The following STS variants were observed in gnomAD, a reference collection of about 807,000 sequenced individuals.
STS encodes the protein steroid sulfatase, also known as steryl-sulfatase.
In STS, 7 loss-of-function variants were observed where a neutral mutation model predicts 26.8. The observed-to-expected ratio is 0.26, with a 90% confidence interval of 0.15 to 0.49. STS has a LOEUF of 0.49. Ranked by LOEUF, STS falls within the 20% of genes least tolerant of loss-of-function variation. The pLI, the probability that STS is intolerant of heterozygous loss-of-function variation, is 0.98. For synonymous variants in STS, 199 were observed against 189.4 expected, an observed-to-expected ratio of 1.05 and a Z score of -0.42; for missense variants, 434 against 465.6, an observed-to-expected ratio of 0.93 and a Z score of 0.63.
chrX:7,259,441 T>A lies in STS; in HGVS notation c.475T>A (p.Leu159Met). Residue 159 changes from leucine (L) to methionine (M), a missense_variant, in exon 6 of 11, where the codon TTG (leucine) becomes ATG (methionine). Physicochemically the swap from Leu to Met is conservative, Grantham distance 15. Coordinates refer to ENST00000674429, the MANE Select transcript of STS (RefSeq NM_001320752.2). ...CTTCAATTATTTCTATGGGATCTCT[T>A]TGACCAATCTGAGAGACTGCAAGCC... Reference protein sequence around the residue: ...HGFNYFYGISLTNLRDCKPGE... With the variant: ...HGFNYFYGISMTNLRDCKPGE... 1 of 1,211,444 alleles carries A rather than the reference T, an allele frequency of 8.3e-7. No individual in the cohort carries two copies. Among genetic ancestry groups the A allele is most frequent in the Non-Finnish European group, 1.1e-6 (1 of 895,295 alleles).
intron 8 of STS, among the ~76,000 whole-genome samples, chrX:7,319,968 T>TTTA (rs1345093166): frequency 8.0e-5 from 7 of 87,583 alleles, no homozygotes; most frequent in African/African-American, 3.3e-4. Flanking sequence ...TATATATATT[T>TTTA]TATATATATG....
chrX:7,156,163 A>AG (rs1483574562), intron 1 of STS, among the ~76,000 whole-genome samples: 1 of 110,245 alleles, frequency 9.1e-6, no homozygotes, highest in East Asian at 2.8e-4. Flanking sequence ...AAAAAAAAAA[A>AG]AATTCTGAGA....
intron 1 of STS, among the ~76,000 whole-genome samples, chrX:7,154,511 G>A (rs766712063): frequency 1.2e-4 from 13 of 111,949 alleles, no homozygotes; most frequent in Middle Eastern, 4.6e-3. Context: ...TCATTGACTC[G>A]GCAACTTTGC....
chrX:7,260,076 C>T (rs1272352626), intron 6 of STS, among the ~76,000 whole-genome samples: 5 of 111,650 alleles, frequency 4.5e-5, no homozygotes, highest in African/African-American at 9.8e-5. Flanking sequence ...GGGGTTTCAC[C>T]GTGTTAGCCA....
At chrX:7,179,212 T>C (rs1466054423) in intron 1 of STS, among the ~76,000 whole-genome samples, 1 of 111,568 alleles carries the variant, frequency 9.0e-6, no homozygotes, top group Non-Finnish European at 1.9e-5. Flanking sequence ...TAACTGGCTT[T>C]CTCTAGTCCT....
intron 7 of STS, 101 bp from the exon 8 acceptor site, chrX:7,304,945 A>G: frequency 4.0e-6 from 4 of 993,396 alleles, no homozygotes; most frequent in Non-Finnish European, 5.7e-6. Flanking sequence ...AAGAACGTTT[A>G]CTTCCACCTT....
intron 3 of STS, among the ~76,000 whole-genome samples, chrX:7,255,292 C>T (rs1186280300): frequency 8.9e-6 from 1 of 112,019 alleles, no homozygotes; most frequent in African/African-American, 3.2e-5. Flanking sequence ...TTCTGCCCCA[C>T]CTTTTGCCTA....
At position 7,171,516 on chromosome X, in the gene STS, T is replaced by G. The variant is rs908379693; in HGVS notation, c.-133-19364T>G. ...ATTTGAGGAGCTGTTATCCTTGGGT[T>G]TACTGGACTAACTTATATCCAGTGG... On this transcript the variant is annotated intron_variant, in intron 1 of 10. Transcript: ENST00000674429. Among the ~76,000 whole-genome samples, 3 of 111,773 alleles carry G rather than the reference T, an allele frequency of 2.7e-5. No individual in the cohort carries two copies. The Admixed American group carries it at 2.9e-4, about 11-fold the overall frequency.
intron 1 of STS, among the ~76,000 whole-genome samples, chrX:7,181,558 C>CAA (rs1392957687): frequency 8.9e-6 from 1 of 111,958 alleles, no homozygotes; most frequent in Non-Finnish European, 1.9e-5. Flanking sequence ...GTCCAGGTCT[C>CAA]ACAGTGAACT....
At position 7,353,945 on chromosome X, in the gene STS, C is replaced by T. The variant is rs1928904241; in HGVS notation, c.*3684C>T. 8.9e-6 allele frequency: 1 copy of T among 111,943 alleles called. No homozygotes were observed. Among genetic ancestry groups the T allele is most frequent in the African/African-American group, 3.3e-5 (1 of 30,763 alleles). 9.2% of individuals were successfully genotyped at this position (111,943 alleles called of 1,213,427 possible). On this transcript the variant is annotated 3_prime_UTR_variant, in exon 11 of 11. Coordinates refer to ENST00000674429, the MANE Select transcript of STS (RefSeq NM_001320752.2). ...TCATAGCTGTCTGACCTCTACGGAC[C>T]TCACATCCATCTGAGGCTTCATGGA...
At chrX:7,268,106 T>TG (rs1424659671) in intron 6 of STS, among the ~76,000 whole-genome samples, 7 of 107,831 alleles carry the variant, frequency 6.5e-5, no homozygotes, top group African/African-American at 1.7e-4. Flanking sequence ...AATCAAGGGG[T>TG]GGGGGGGAAA....
chrX:7,221,108 GTCT>G (rs1176672499), intron 2 of STS, among the ~76,000 whole-genome samples: 13 of 112,346 alleles, frequency 1.2e-4, no homozygotes, highest in Non-Finnish European at 1.1e-4. Context: ...GTTGTCTAAA[GTCT>G]TCTTCGTAGG....
intron 1 of STS, among the ~76,000 whole-genome samples, chrX:7,182,865 G>A (rs1350464583): frequency 9.0e-6 from 1 of 110,681 alleles, no homozygotes; most frequent in South Asian, 3.9e-4. Flanking sequence ...CCAAAATCAT[G>A]TGATTCCCAC....
At chrX:7,329,748 C>T (rs1269714667) in intron 9 of STS, among the ~76,000 whole-genome samples, 2 of 111,850 alleles carry the variant, frequency 1.8e-5, no homozygotes, top group East Asian at 2.8e-4. Context: ...CCATTCTTCA[C>T]GCACTGTCCT....
chrX:7,257,696 G>A (rs1601691703), intron 5 of STS, 108 bp downstream of exon 5: 26 of 1,033,597 alleles, frequency 2.5e-5, no homozygotes, highest in Non-Finnish European at 3.4e-5. Flanking sequence ...AGTTATCTTA[G>A]GGATGACTTT....
chrX:7,319,982 ATATATT>A (rs1217843019), intron 8 of STS, among the ~76,000 whole-genome samples: 35 of 90,069 alleles, frequency 3.9e-4, no homozygotes, highest in African/African-American at 1.4e-3. Flanking sequence ...ATATATGTAT[ATATATT>A]TATATATATA....
chrX:7,257,193 T>C (rs1313810138), intron 3 of STS, 49 bp from the exon 4 acceptor site: 1 of 1,203,329 alleles, frequency 8.3e-7, no homozygotes, highest in African/African-American at 1.7e-5. Context: ...ACTAAATACA[T>C]GAACAATAAA....
intron 2 of STS, among the ~76,000 whole-genome samples, chrX:7,204,635 T>A (rs1468674902): frequency 9.8e-6 from 1 of 102,247 alleles, no homozygotes; most frequent in African/African-American, 3.6e-5. Flanking sequence ...TCCCTCCCTC[T>A]CTTCCTTTTT....
chrX:7,342,116 A>G (rs1418905931), intron 10 of STS, among the ~76,000 whole-genome samples: 1 of 111,987 alleles, frequency 8.9e-6, no homozygotes, highest in African/African-American at 3.2e-5. Context: ...CCTGGCCCCA[A>G]CAATTTTTAT....
Sources: allele counts gnomAD v4.1 joint callset (sites outside exome capture counted in the v4.1 genomes callset), GRCh38; gene constraint gnomAD v4.1.1; transcripts MANE v1.5; gene names NCBI Gene and HGNC (gene_info 2026-07-23, HGNC 2026-07-21).